The following LANCL1 variants were observed in gnomAD, a reference collection of about 807,000 sequenced individuals.
LANCL1 encodes the protein LanC like glutathione S-transferase 1.
A neutral mutation model predicts 50.6 loss-of-function variants in LANCL1; 50 were observed. The observed-to-expected ratio is 0.99, with a 90% CI of 0.79 to 1.25. The LOEUF (loss-of-function observed/expected upper bound fraction) is 1.25. LANCL1 is among the 50% of genes most tolerant of loss of function. The probability of loss-of-function intolerance (pLI) is 0.00; values close to 1 mark genes in which losing one functional copy is unlikely to be tolerated. For synonymous variants in LANCL1, 188 were observed against 178.6 expected, an observed-to-expected ratio of 1.05 and a Z score of -0.42; for missense variants, 532 against 480.7, an observed-to-expected ratio of 1.11 and a Z score of -1.00.
intron 2 of LANCL1, among the ~76,000 whole-genome samples, chr2:210,475,705 C>T (rs1694335640): frequency 6.6e-6 from 1 of 152,226 alleles, no homozygotes; most frequent in African/African-American, 2.4e-5. Flanking sequence ...CATGAGAAAA[C>T]ACAGGCCCCT....
chr2:210,463,761 C>A (rs560495187), intron 3 of LANCL1, among the ~76,000 whole-genome samples: 2 of 152,328 alleles, frequency 1.3e-5, no homozygotes, highest in South Asian at 4.1e-4. Flanking sequence ...ATAACTGCCT[C>A]TTTAGACAAT....
In LANCL1 at chr2:210,432,427, T is replaced by C. The variant is rs1457127278; in HGVS notation, c.*2060A>G. 2 of 152,164 alleles carry C rather than the reference T, an allele frequency of 1.3e-5. No individual in the cohort carries two copies. The highest frequency in any genetic ancestry group is 3.9e-4 in the East Asian group (2 of 5,194). The allele number at this position is 152,164 out of a possible 1,614,324, so 9.4% of individuals were successfully genotyped here. Reference sequence around the variant, plus strand: ...AGACCTTGGCAATGACTTTGAGCAGTAGGATGTAAATGACTCCCACAAGCT... The same window carrying C: ...AGACCTTGGCAATGACTTTGAGCAGCAGGATGTAAATGACTCCCACAAGCT... On this transcript the variant is annotated 3_prime_UTR_variant, in exon 10 of 10. Transcript: ENST00000450366.
At chr2:210,445,218 C>T (rs1693279821) in intron 4 of LANCL1, among the ~76,000 whole-genome samples, 1 of 152,136 alleles carries the variant, frequency 6.6e-6, no homozygotes, top group Admixed American at 6.6e-5. Context: ...CGAATTACTG[C>T]ATTGATTCCA....
intron 9 of LANCL1, 92 bp from the exon 10 acceptor site, chr2:210,434,655 A>G: frequency 9.9e-7 from 1 of 1,009,320 alleles, no homozygotes; most frequent in Admixed American, 2.0e-5. Context: ...TTGACAAAAA[A>G]AGTCACAGCA....
At chr2:210,476,914 T>C, upstream of LANCL1, 1 of 651,222 alleles carries the variant, frequency 1.5e-6, no homozygotes, top group South Asian at 6.7e-5. Context: ...GGACCTAGAA[T>C]CACGCGGAGA....
At position 210,476,365 on chromosome 2, in the gene LANCL1, G is replaced by A. The variant is rs769005369; in HGVS notation, c.32C>T (p.Ala11Val). 2.5e-6 allele frequency: 4 copies of A among 1,613,966 alleles called. No individual in the cohort carries two copies. Among genetic ancestry groups the A allele is most frequent in the Admixed American group, 1.7e-5 (1 of 60,004 alleles). ...TTCGGCCAGGGATTTGTTATAATCAGCATAAGGATTCGGGAAGGCCCTTTG... is the reference window on the plus strand; with the variant it reads ...TTCGGCCAGGGATTTGTTATAATCAACATAAGGATTCGGGAAGGCCCTTTG... MAQRAFPNPYADYNKSLAEGY... is the reference protein window; with the variant it reads MAQRAFPNPYVDYNKSLAEGY... The change falls in exon 2 of 10, where the codon GCT (alanine) becomes GTT (valine). Residue 11 changes from alanine (A) to valine (V), a missense_variant. Transcript: ENST00000450366.
chr2:210,477,207 C>T (rs1338011611), upstream of LANCL1, among the ~76,000 whole-genome samples: 8 of 152,032 alleles, frequency 5.3e-5, no homozygotes, highest in African/African-American at 1.9e-4. Flanking sequence ...CAAAAATATG[C>T]CCAAAGGACA....
Position 210,455,271 on chromosome 2 carries a change from G to A in LANCL1, c.243C>T (p.Asp81=). The A allele has an allele frequency of 6.2e-7, 1 of 1,609,726 alleles. No homozygotes were observed. The highest frequency in any genetic ancestry group is 8.5e-7 in the Non-Finnish European group (1 of 1,178,850). The part of the protein sequence containing the change: ...LYLHLYDVFG[D]PAYLQLAHGY... Reference sequence around the variant, plus strand: ...CATGTGCTAACTGTAGGTAGGCAGGGTCCCCAAATACATCATAAAGATGTA... The same window carrying A: ...CATGTGCTAACTGTAGGTAGGCAGGATCCCCAAATACATCATAAAGATGTA... The change falls in exon 4 of 10, where the codon GAC becomes GAT. Residue 81 remains aspartate, a synonymous_variant. Coordinates refer to ENST00000450366, the MANE Select transcript of LANCL1 (RefSeq NM_006055.3).
chr2:210,472,555 C>G (rs1223617371), intron 2 of LANCL1, among the ~76,000 whole-genome samples: 1 of 151,972 alleles, frequency 6.6e-6, no homozygotes, highest in East Asian at 1.9e-4. Context: ...AAAAGCAAAA[C>G]AAATTCATGT....
intron 3 of LANCL1, among the ~76,000 whole-genome samples, 190 bp from the exon 4 acceptor site, chr2:210,455,504 A>AC (rs1186236835): frequency 6.6e-6 from 1 of 152,172 alleles, no homozygotes; most frequent in African/African-American, 2.4e-5. Context: ...GCATAAGCCA[A>AC]CCACTTACTT....
rs1263758549 is a variant in LANCL1, at chr2:210,432,413, A to G, written c.*2074T>C. On this transcript the variant is annotated 3_prime_UTR_variant, in exon 10 of 10. Transcript: ENST00000450366. ...TTGTGTGAAAAATCAGACCTTGGCAATGACTTTGAGCAGTAGGATGTAAAT... is the reference window on the plus strand; with the variant it reads ...TTGTGTGAAAAATCAGACCTTGGCAGTGACTTTGAGCAGTAGGATGTAAAT... 1 of 152,190 alleles carries G rather than the reference A, an allele frequency of 6.6e-6. No individual in the cohort carries two copies. The highest frequency in any genetic ancestry group is 2.4e-5 in the African/African-American group (1 of 41,456). The allele number at this position is 152,190 out of a possible 1,614,324, so 9.4% of individuals were successfully genotyped here.
intron 2 of LANCL1, among the ~76,000 whole-genome samples, chr2:210,472,826 A>C (rs4673530): frequency 0.51 from 78,279 of 152,024 alleles, 20,897 homozygotes; most frequent in East Asian, 0.61. Flanking sequence ...ATAGTGTATC[A>C]CAAGTCTTTC....
intron 4 of LANCL1, among the ~76,000 whole-genome samples, chr2:210,449,444 A>T (rs1232571854): frequency 6.6e-6 from 1 of 152,214 alleles, no homozygotes; most frequent in Non-Finnish European, 1.5e-5. Flanking sequence ...AACCAGCACA[A>T]AACAAGGATG....
At chr2:210,472,928 A>T (rs906957421) in intron 2 of LANCL1, among the ~76,000 whole-genome samples, 1 of 152,198 alleles carries the variant, frequency 6.6e-6, no homozygotes, top group East Asian at 1.9e-4. Context: ...GATTGAAAAT[A>T]CACTAAGGCT....
chr2:210,445,582 T>C (rs1693297167), intron 4 of LANCL1, among the ~76,000 whole-genome samples: 1 of 152,032 alleles, frequency 6.6e-6, no homozygotes, highest in Non-Finnish European at 1.5e-5. Context: ...ATTCTCAAGA[T>C]ATAAGACTAA....
rs1019432943 is a variant in LANCL1 at position 210,433,170 on chromosome 2, G to A, written c.*1317C>T. 3 of 152,376 alleles carry A rather than the reference G, an allele frequency of 2.0e-5. No homozygotes were observed. Among genetic ancestry groups the A allele is most frequent in the Non-Finnish European group, 4.4e-5 (3 of 67,984 alleles). The allele number at this position is 152,376 out of a possible 1,614,324, so 9.4% of individuals were successfully genotyped here. Reference sequence around the variant, plus strand: ...TTTTTTGCAAAATCAGTTGCAAAGAGACAAAACAAGCCAGGCAAAGGCAGT... The same window carrying A: ...TTTTTTGCAAAATCAGTTGCAAAGAAACAAAACAAGCCAGGCAAAGGCAGT... On this transcript the variant is annotated 3_prime_UTR_variant, in exon 10 of 10. Transcript: ENST00000450366.
At chr2:210,448,212 C>T (rs1256243772) in intron 4 of LANCL1, among the ~76,000 whole-genome samples, 1 of 152,168 alleles carries the variant, frequency 6.6e-6, no homozygotes, top group Non-Finnish European at 1.5e-5. Context: ...CAGAACTGCA[C>T]AACTACACGG....
At chr2:210,445,168 ATT>A (rs3836056) in intron 4 of LANCL1, among the ~76,000 whole-genome samples, 117 of 151,912 alleles carry the variant, frequency 7.7e-4, no homozygotes, top group Non-Finnish European at 1.5e-3. Context: ...AATTACTGTA[ATT>A]TTTTTTAAAC....
At chr2:210,476,828 C>T, upstream of LANCL1, 1 of 1,000,262 alleles carries the variant, frequency 1.0e-6, no homozygotes, top group Non-Finnish European at 1.2e-6. Flanking sequence ...TTCTCTCTTA[C>T]AGTTTGTTAA....
Sources: allele counts gnomAD v4.1 joint callset (sites outside exome capture counted in the v4.1 genomes callset), GRCh38; gene constraint gnomAD v4.1.1; transcripts MANE v1.5; gene names NCBI Gene and HGNC (gene_info 2026-07-23, HGNC 2026-07-21).